NAA15: variants seen among roughly 807,000 people sequenced by gnomAD.
NAA15 encodes the protein N-terminal acetyltransferase.
A neutral mutation model predicts 114.0 loss-of-function variants in NAA15; 34 were observed. The ratio of observed to expected loss-of-function variants is 0.30; its 90% CI spans 0.23 to 0.40. The LOEUF (loss-of-function observed/expected upper bound fraction) is 0.40. NAA15 is among the 10% of genes least tolerant of loss of function. The probability of loss-of-function intolerance (pLI) is 1.00; values close to 1 mark genes in which losing one functional copy is unlikely to be tolerated. For missense variants in NAA15, 658 were observed against 1,004.5 expected (o/e 0.66, Z 4.66); for synonymous variants, 340 against 338.0 (o/e 1.01, Z -0.06).
At chr4:139,324,958 A>G (rs1001157446) in intron 1 of NAA15, among the ~76,000 whole-genome samples, 3 of 152,198 alleles carry the variant, frequency 2.0e-5, no homozygotes, top group African/African-American at 7.2e-5. Context: ...ACAGGAGATA[A>G]TTGAATTAAT....
In NAA15 at chr4:139,391,197, T is replaced by C. The variant is rs1439713570; in HGVS notation, c.*3113T>C. ...GCTAATGCCCCACTTCTTTAAGTTA[T>C]AAACAAAGTTTCATGATACCATTCT... is the stretch of plus-strand genomic sequence containing the variant. On this transcript the variant is annotated 3_prime_UTR_variant, in exon 20 of 20. Coordinates refer to ENST00000296543, the MANE Select transcript of NAA15 (RefSeq NM_057175.5). The C allele has an allele frequency of 6.6e-6, 1 of 152,206 alleles. No individual in the cohort carries two copies. Among genetic ancestry groups the C allele is most frequent in the Non-Finnish European group, 1.5e-5 (1 of 68,020 alleles). The allele number at this position is 152,206 out of a possible 1,614,324, so 9.4% of individuals were successfully genotyped here. A position where few individuals can be genotyped will look rare whatever the true frequency, so the allele number is the denominator to read the frequency against.
At chr4:139,347,407 G>T (rs1747620935) in intron 6 of NAA15, among the ~76,000 whole-genome samples, 1 of 152,004 alleles carries the variant, frequency 6.6e-6, no homozygotes, top group African/African-American at 2.4e-5. Context: ...TGAGACCAGA[G>T]GATCACTTGA....
chr4:139,308,317 T>G (rs1746095939), intron 1 of NAA15, among the ~76,000 whole-genome samples: 1 of 152,170 alleles, frequency 6.6e-6, no homozygotes. Context: ...AAAGTTAATG[T>G]TTCTGCTAGT....
At chr4:139,377,360 A>C (rs1748618885) in intron 16 of NAA15, among the ~76,000 whole-genome samples, 1 of 152,070 alleles carries the variant, frequency 6.6e-6, no homozygotes, top group Admixed American at 6.6e-5. Context: ...AACATGGAGA[A>C]ACCCCGTCTC....
intron 2 of NAA15, among the ~76,000 whole-genome samples, chr4:139,335,310 A>G (rs1470778213): frequency 1.3e-5 from 2 of 152,178 alleles, no homozygotes; most frequent in African/African-American, 2.4e-5. Context: ...TCAATACAGA[A>G]AAGTATCAGA....
intron 15 of NAA15, among the ~76,000 whole-genome samples, chr4:139,373,622 G>T (rs1386841028): frequency 6.6e-6 from 1 of 151,810 alleles, no homozygotes; most frequent in Non-Finnish European, 1.5e-5. Context: ...GCATTAGTTG[G>T]TATTTATGAA....
At chr4:139,365,822 CTGGACGACAGAG>C (rs1392822276) in intron 14 of NAA15, among the ~76,000 whole-genome samples, 9 of 152,140 alleles carry the variant, frequency 5.9e-5, no homozygotes, top group African/African-American at 2.2e-4. Flanking sequence ...ACACTCCAGC[CTGGACGACAGAG>C]TGAGACCCTG....
At chr4:139,378,631 A>G (rs779854310) in intron 16 of NAA15, 125 bp from the exon 17 acceptor site, 43 of 453,210 alleles carry the variant, frequency 9.5e-5, no homozygotes, top group Non-Finnish European at 1.5e-4. Context: ...GTTTGCCTCA[A>G]TCGTATGTTT....
At chr4:139,305,996 C>T (rs1229336657) in intron 1 of NAA15, among the ~76,000 whole-genome samples, 1 of 152,216 alleles carries the variant, frequency 6.6e-6, no homozygotes, top group Non-Finnish European at 1.5e-5. Context: ...ACCTGCTTTA[C>T]ACATAAGTTT....
In NAA15 at chr4:139,388,786, C is replaced by G. The variant is rs1748975009; in HGVS notation, c.*702C>G. The G allele has an allele frequency of 6.6e-6, 1 of 152,608 alleles. No homozygotes were observed. Among genetic ancestry groups the G allele is most frequent in the African/African-American group, 2.4e-5 (1 of 41,440 alleles). The allele number at this position is 152,608 out of a possible 1,614,324, so 9.5% of individuals were successfully genotyped here. On this transcript the variant is annotated 3_prime_UTR_variant, in exon 20 of 20. Coordinates refer to ENST00000296543, the MANE Select transcript of NAA15 (RefSeq NM_057175.5). Reference sequence around the variant, plus strand: ...CCAGTTGTAACAGTCTCAATTTTAACTAAAACTTGAAGAACTAAAACAACA... The same window carrying G: ...CCAGTTGTAACAGTCTCAATTTTAAGTAAAACTTGAAGAACTAAAACAACA...
At chr4:139,339,045 AAGTG>A (rs1368495909) in intron 3 of NAA15, among the ~76,000 whole-genome samples, 2 of 151,848 alleles carry the variant, frequency 1.3e-5, no homozygotes, top group African/African-American at 2.4e-5. Context: ...TCGTGACTTG[AAGTG>A]ATCCACCTAC....
At chr4:139,323,270 T>A (rs1383698444) in intron 1 of NAA15, among the ~76,000 whole-genome samples, 2 of 152,174 alleles carry the variant, frequency 1.3e-5, no homozygotes, top group Admixed American at 1.3e-4. Context: ...TTGGCCAGGC[T>A]GGTCTCGAAC....
At chr4:139,351,365 G>T (rs1238884507) in intron 8 of NAA15, 79 bp downstream of exon 8, 6 of 1,112,014 alleles carry the variant, frequency 5.4e-6, no homozygotes, top group Non-Finnish European at 6.8e-6. Context: ...GTATGAGTAT[G>T]CATATTAAGT....
At chr4:139,319,237 C>T (rs68058917) in intron 1 of NAA15, among the ~76,000 whole-genome samples, 22,489 of 152,040 alleles carry the variant, frequency 0.15, 2,052 homozygotes, top group Non-Finnish European at 0.2. Context: ...GGGGTTGCAG[C>T]GAGCCGAGAT....
At chr4:139,384,240 G>A (rs371506474) in intron 17 of NAA15, among the ~76,000 whole-genome samples, 1 of 152,186 alleles carries the variant, frequency 6.6e-6, no homozygotes, top group Admixed American at 6.5e-5. Flanking sequence ...ACTTTGGGAG[G>A]CCAAGGTGAA....
intron 14 of NAA15, among the ~76,000 whole-genome samples, chr4:139,369,749 A>C (rs1386439062): frequency 6.6e-6 from 1 of 151,984 alleles, no homozygotes; most frequent in Admixed American, 6.6e-5. Context: ...AAAAAAAAAA[A>C]AAAAAAAAAG....
intron 1 of NAA15, among the ~76,000 whole-genome samples, chr4:139,306,590 T>TG (rs1317710144): frequency 2.6e-5 from 4 of 151,754 alleles, no homozygotes; most frequent in Non-Finnish European, 5.9e-5. Context: ...TTTTTTTTTT[T>TG]GGTCTGGTTT....
In NAA15 at chr4:139,389,863, A is replaced by G. The variant is rs1245067371; in HGVS notation, c.*1779A>G. ...ATCTCAGTCTAACAGTTTAGTAGTG[A>G]TGTAAAGAGAAGTACAAACCGAACT... is the stretch of plus-strand genomic sequence containing the variant. On this transcript the variant is annotated 3_prime_UTR_variant, in exon 20 of 20. Coordinates refer to ENST00000296543, the MANE Select transcript of NAA15 (RefSeq NM_057175.5). The G allele has an allele frequency of 6.6e-6, 1 of 152,634 alleles. No individual in the cohort carries two copies. Among genetic ancestry groups the G allele is most frequent in the Non-Finnish European group, 1.5e-5 (1 of 68,036 alleles). 9.5% of individuals were successfully genotyped at this position (152,634 alleles called of 1,614,324 possible).
At chr4:139,324,300 A>G (rs1746717408) in intron 1 of NAA15, among the ~76,000 whole-genome samples, 1 of 152,184 alleles carries the variant, frequency 6.6e-6, no homozygotes, top group African/African-American at 2.4e-5. Context: ...GTATTTTTGA[A>G]AGTATTATGT....
Sources: gnomAD v4.1 joint callset for allele counts (sites outside exome capture counted in the v4.1 genomes callset) on GRCh38, gnomAD v4.1.1 for gene constraint, MANE v1.5 for transcripts, NCBI Gene and HGNC (gene_info 2026-07-23, HGNC 2026-07-21) for gene names.